The following CALN1 variants were observed in gnomAD, a reference collection of about 807,000 sequenced individuals.
CALN1 encodes calcium-binding protein 8.
CALN1 carries 17 observed loss-of-function variants against 30.6 expected under a neutral mutation model. That is an observed-to-expected ratio of 0.56 (90% CI 0.38 to 0.83). The LOEUF (loss-of-function observed/expected upper bound fraction) is 0.83, where lower values mean the gene tolerates loss of function less well. Among genes scored for constraint, CALN1 ranks in the 40% least tolerant of loss-of-function variants. The pLI is 0.00. For synonymous variants in CALN1, 156 were observed against 131.4 expected (o/e 1.19, Z -1.28); for missense variants, 291 against 354.9 (o/e 0.82, Z 1.45).
intron 1 of CALN1, among the ~76,000 whole-genome samples, chr7:72,407,635 T>G (rs1416034780): frequency 6.6e-6 from 1 of 152,172 alleles, no homozygotes; most frequent in Admixed American, 6.5e-5. Flanking sequence ...GCTTCCTGTA[T>G]AGCCTGCAGA....
At chr7:71,889,151 T>C (rs1793091590) in intron 5 of CALN1, among the ~76,000 whole-genome samples, 2 of 152,138 alleles carry the variant, frequency 1.3e-5, no homozygotes, top group Admixed American at 1.3e-4. Flanking sequence ...TATCATAAAC[T>C]GGGTAGATTC....
rs111377934 is a variant in CALN1 at position 72,073,610 on chromosome 7, C to CCTGTCTTT, written c.388+32540_388+32541insAAAGACAG. Among the ~76,000 whole-genome samples the CCTGTCTTT allele has an allele frequency of 1.1e-4, 17 of 151,124 alleles. No individual in the cohort carries two copies. The East Asian group carries it at 3.4e-3, about 30-fold the overall frequency. On this transcript the variant is annotated intron_variant, in intron 4 of 6. Coordinates refer to ENST00000395275, the MANE Select transcript of CALN1 (RefSeq NM_031468.4). ...GTGTGGAATTAGGGCTGCATTTAGT[C>CCTGTCTTT]CTTTCTTTCTTTCTTTCTCTCTGTC...
At chr7:72,148,515 C>A (rs1786958803) in intron 3 of CALN1, among the ~76,000 whole-genome samples, 1 of 152,128 alleles carries the variant, frequency 6.6e-6, no homozygotes, top group South Asian at 2.1e-4. Flanking sequence ...AGGAAGATTG[C>A]TTGAGCCCAG....
chr7:72,073,400 TTTATA>T (rs1804530741), intron 4 of CALN1, among the ~76,000 whole-genome samples: 1 of 152,280 alleles, frequency 6.6e-6, no homozygotes, highest in African/African-American at 2.4e-5. Flanking sequence ...AATGGTAAAA[TTTATA>T]TTATGTTTAT....
chr7:72,403,221 G>A (rs1337371025), intron 2 of CALN1, 30 bp downstream of exon 2: 1 of 1,526,606 alleles, frequency 6.6e-7, no homozygotes, highest in Non-Finnish European at 8.8e-7. Flanking sequence ...AAACAATCTA[G>A]GTCCTTGGGT....
intron 3 of CALN1, among the ~76,000 whole-genome samples, chr7:72,187,967 A>G (rs1373281337): frequency 6.6e-6 from 1 of 152,196 alleles, no homozygotes; most frequent in African/African-American, 2.4e-5. Context: ...AAAAATCAAA[A>G]AACAATAGAT....
chr7:71,809,084 T>C (rs1022901361), intron 6 of CALN1, among the ~76,000 whole-genome samples: 1 of 152,166 alleles, frequency 6.6e-6, no homozygotes, highest in African/African-American at 2.4e-5. Context: ...TTTTGTTTGA[T>C]GCGCATGGCA....
intron 3 of CALN1, among the ~76,000 whole-genome samples, chr7:72,198,809 C>T (rs778569941): frequency 7.2e-5 from 11 of 152,156 alleles, no homozygotes; most frequent in Non-Finnish European, 1.5e-4. Flanking sequence ...CACAGGCTTG[C>T]TTTCATTTGG....
At chr7:72,022,777 T>C (rs183876024) in intron 5 of CALN1, among the ~76,000 whole-genome samples, 1 of 152,180 alleles carries the variant, frequency 6.6e-6, no homozygotes, top group Non-Finnish European at 1.5e-5. Flanking sequence ...TTATAGCATA[T>C]GTAAGTTCTT....
intron 3 of CALN1, among the ~76,000 whole-genome samples, chr7:72,245,729 G>C (rs1275755342): frequency 6.6e-6 from 1 of 152,234 alleles, no homozygotes. Flanking sequence ...TAGAGGCAAT[G>C]CTGGGATTTT....
chr7:71,853,465 T>C (rs573228798), intron 5 of CALN1, among the ~76,000 whole-genome samples: 2 of 152,278 alleles, frequency 1.3e-5, no homozygotes, highest in East Asian at 3.9e-4. Context: ...TTAAAATCTC[T>C]CCGCAATTTT....
chr7:72,086,732 C>G (rs1217194849), intron 4 of CALN1, among the ~76,000 whole-genome samples: 1 of 152,182 alleles, frequency 6.6e-6, no homozygotes, highest in East Asian at 1.9e-4. Flanking sequence ...AGCCACTGCA[C>G]CTGGCCCAAT....
At chr7:72,371,770 A>ACTG (rs1173818273) in intron 2 of CALN1, among the ~76,000 whole-genome samples, 1 of 152,162 alleles carries the variant, frequency 6.6e-6, no homozygotes, top group African/African-American at 2.4e-5. Context: ...TGCTTTCTCC[A>ACTG]CTGAATTGCC....
chr7:71,799,329 G>C (rs962029834), intron 6 of CALN1, among the ~76,000 whole-genome samples: 1 of 152,152 alleles, frequency 6.6e-6, no homozygotes, highest in Non-Finnish European at 1.5e-5. Flanking sequence ...TGCTGGGGAA[G>C]GATTTTAAGC....
intron 5 of CALN1, among the ~76,000 whole-genome samples, chr7:71,891,718 C>A (rs751852625): frequency 6.6e-6 from 1 of 152,014 alleles, no homozygotes; most frequent in Admixed American, 6.6e-5. Flanking sequence ...CCAAAGTGGG[C>A]AGATCACTTG....
At chr7:72,497,175 C>T in the CALN1 span, among the ~76,000 whole-genome samples, 1 of 152,188 alleles carries the variant, frequency 6.6e-6, no homozygotes, top group Non-Finnish European at 1.5e-5. Flanking sequence ...CACAGTGGCT[C>T]ATGCCTGTAA....
intron 2 of CALN1, among the ~76,000 whole-genome samples, chr7:72,355,926 A>AAT (rs1404036505): frequency 6.6e-6 from 1 of 152,260 alleles, no homozygotes; most frequent in Non-Finnish European, 1.5e-5. Context: ...TATTATATGT[A>AAT]AATTATCCTC....
At chr7:72,410,737 G>A (rs1442324257) in intron 1 of CALN1, among the ~76,000 whole-genome samples, 3 of 152,106 alleles carry the variant, frequency 2.0e-5, no homozygotes, top group Admixed American at 1.3e-4. Flanking sequence ...GAGTAAAATA[G>A]GGAACTATAT....
At chr7:71,956,195 C>T (rs1025816477) in intron 5 of CALN1, among the ~76,000 whole-genome samples, 5 of 152,204 alleles carry the variant, frequency 3.3e-5, no homozygotes, top group Middle Eastern at 3.4e-3. Context: ...ATCATGTTGG[C>T]CAGGCTGGTC....
Sources: gnomAD v4.1 joint callset for allele counts (sites outside exome capture counted in the v4.1 genomes callset) on GRCh38, gnomAD v4.1.1 for gene constraint, MANE v1.5 for transcripts, NCBI Gene and HGNC (gene_info 2026-07-23, HGNC 2026-07-21) for gene names.